Variants in PRKACB observed in about 807,000 individuals in gnomAD.
The protein encoded by PRKACB is protein kinase cAMP-activated catalytic subunit beta, also known as cAMP-dependent protein kinase catalytic subunit beta.
PRKACB carries 16 observed loss-of-function variants against 51.4 expected under a neutral mutation model. That is an observed-to-expected ratio of 0.31 (90% CI 0.21 to 0.47). The LOEUF (loss-of-function observed/expected upper bound fraction) is 0.47, where lower values mean the gene tolerates loss of function less well. PRKACB is among the 20% of genes least tolerant of loss of function. The pLI, the probability that PRKACB is intolerant of heterozygous loss-of-function variation, is 1.00. For synonymous variants in PRKACB, 147 were observed against 154.4 expected, an observed-to-expected ratio of 0.95 and a Z score of 0.35; for missense variants, 309 against 464.5, an observed-to-expected ratio of 0.67 and a Z score of 3.08.
At chr1:84,157,726 A>G (rs1337666833) in intron 1 of PRKACB, among the ~76,000 whole-genome samples, 1 of 152,202 alleles carries the variant, frequency 6.6e-6, no homozygotes, top group African/African-American at 2.4e-5. Context: ...AGAATATATT[A>G]ATAATTGGTT....
At chr1:84,100,665 T>C (rs909351029) in intron 1 of PRKACB, among the ~76,000 whole-genome samples, 5 of 152,186 alleles carry the variant, frequency 3.3e-5, no homozygotes, top group Non-Finnish European at 5.9e-5. Flanking sequence ...AAAAATTATG[T>C]ACTTAAAACT....
chr1:84,165,317 TAA>T lies in PRKACB; in HGVS notation c.188-13859_188-13858del, dbSNP rs1222922564. Among the ~76,000 whole-genome samples, 3 of 151,908 alleles carry T rather than the reference TAA, an allele frequency of 2.0e-5. No individual in the cohort carries two copies. In the Admixed American group the frequency reaches 2.0e-4, roughly 10 times the overall value. ...TATAAATTAGTAAGTAGACTAACCA[TAA>T]GAGAGGATTTTCTTTTAGTATCTGA... On this transcript the variant is annotated intron_variant, in intron 1 of 9. Coordinates refer to ENST00000370685, the MANE Select transcript of PRKACB (RefSeq NM_182948.4).
intron 3 of PRKACB, 80 bp from the exon 4 acceptor site, chr1:84,183,957 T>C (rs1187141836): frequency 1.5e-6 from 2 of 1,366,210 alleles, no homozygotes; most frequent in African/African-American, 3.0e-5. Context: ...AGTTTATTAC[T>C]ATATGGAAAA....
At chr1:84,131,850 C>G (rs1397641191) in intron 1 of PRKACB, among the ~76,000 whole-genome samples, 1 of 152,192 alleles carries the variant, frequency 6.6e-6, no homozygotes, top group Non-Finnish European at 1.5e-5. Context: ...GGCCCCCACA[C>G]TTTCATGGGT....
At chr1:84,174,235 T>C (rs1056159468) in intron 1 of PRKACB, among the ~76,000 whole-genome samples, 1 of 151,878 alleles carries the variant, frequency 6.6e-6, no homozygotes, top group Non-Finnish European at 1.5e-5. Context: ...GGATAAACCA[T>C]GCTCTTCTTC....
intron 1 of PRKACB, among the ~76,000 whole-genome samples, chr1:84,176,691 G>A (rs1384568251): frequency 4.6e-5 from 7 of 151,676 alleles, no homozygotes; most frequent in East Asian, 1.9e-4. Flanking sequence ...TACTCGAAAA[G>A]AAAATCCCTT....
intron 1 of PRKACB, chr1:84,175,756 G>A (rs765767195): frequency 2.9e-5 from 45 of 1,529,526 alleles, no homozygotes; most frequent in Non-Finnish European, 5.3e-6. Flanking sequence ...TCTCTTGAAT[G>A]TGGGTGAATG....
intron 9 of PRKACB, among the ~76,000 whole-genome samples, chr1:84,217,712 A>G (rs1448492137): frequency 6.6e-6 from 1 of 152,082 alleles, no homozygotes; most frequent in Non-Finnish European, 1.5e-5. Context: ...AGGATCACTT[A>G]AGCCCAAGAG....
At chr1:84,154,250 C>T (rs1216006314) in intron 1 of PRKACB, among the ~76,000 whole-genome samples, 1 of 151,948 alleles carries the variant, frequency 6.6e-6, no homozygotes, top group East Asian at 1.9e-4. Context: ...GTTTGAGTTC[C>T]TTATATATTT....
chr1:84,097,070 G>A (rs991742154), intron 1 of PRKACB, among the ~76,000 whole-genome samples: 1 of 151,950 alleles, frequency 6.6e-6, no homozygotes, highest in Non-Finnish European at 1.5e-5. Flanking sequence ...TGAAGGTAGG[G>A]TTCTTTACTT....
intron 1 of PRKACB, among the ~76,000 whole-genome samples, chr1:84,080,830 A>G (rs1647476814): frequency 6.6e-6 from 1 of 151,964 alleles, no homozygotes; most frequent in Non-Finnish European, 1.5e-5. Context: ...TAGTAATAAC[A>G]GAGTAAGGAA....
In PRKACB at chr1:84,105,606, C is replaced by T. The variant is rs577574484; in HGVS notation, c.46+27235C>T. Among the ~76,000 whole-genome samples, 31 of 151,786 alleles carry T rather than the reference C, an allele frequency of 2.0e-4. No individual in the cohort carries two copies. The South Asian group carries it at 6.5e-3, about 32-fold the overall frequency. Reference sequence around the variant, plus strand: ...TTATTTATTTACTGAGACAGGGTCTCCTTCTGTCACCCAGGCTGGAGTGCA... The same window carrying T: ...TTATTTATTTACTGAGACAGGGTCTTCTTCTGTCACCCAGGCTGGAGTGCA... On this transcript the variant is annotated intron_variant, in intron 1 of 8. Coordinates refer to the PRKACB transcript ENST00000370688.
intron 1 of PRKACB, among the ~76,000 whole-genome samples, chr1:84,136,305 T>C (rs1338767097): frequency 6.6e-6 from 1 of 151,836 alleles, no homozygotes; most frequent in Non-Finnish European, 1.5e-5. Flanking sequence ...TGGTGAAATA[T>C]ACAAAATAAA....
intron 1 of PRKACB, chr1:84,175,179 T>G: frequency 1.1e-6 from 1 of 951,194 alleles, no homozygotes; most frequent in African/African-American, 1.7e-5. Flanking sequence ...TGAAATATTT[T>G]CATTGATGAA....
At chr1:84,192,096 A>T (rs181381585) in intron 5 of PRKACB, among the ~76,000 whole-genome samples, 7 of 152,264 alleles carry the variant, frequency 4.6e-5, no homozygotes, top group Admixed American at 2.0e-4. Flanking sequence ...TGAGATAGTA[A>T]AACAATAAGC....
intron 1 of PRKACB, among the ~76,000 whole-genome samples, chr1:84,176,614 G>A (rs564236817): frequency 6.7e-6 from 1 of 149,972 alleles, no homozygotes; most frequent in African/African-American, 2.4e-5. Flanking sequence ...GAAAAAAAAT[G>A]TTTCAGGAAC....
chr1:84,111,747 G>A (rs1355056986), intron 1 of PRKACB, among the ~76,000 whole-genome samples: 1 of 151,818 alleles, frequency 6.6e-6, no homozygotes, highest in East Asian at 1.9e-4. Context: ...ATATGTCCAT[G>A]CCATAGAAGA....
intron 8 of PRKACB, among the ~76,000 whole-genome samples, chr1:84,203,518 A>G (rs1223111414): frequency 6.6e-6 from 1 of 151,906 alleles, no homozygotes; most frequent in Non-Finnish European, 1.5e-5. Context: ...ATCTTTTTTT[A>G]AAAGACCATT....
chr1:84,099,690 CAAAG>C (rs1649187741), intron 1 of PRKACB, among the ~76,000 whole-genome samples: 1 of 151,964 alleles, frequency 6.6e-6, no homozygotes, highest in Non-Finnish European at 1.5e-5. Context: ...AAAATATTCT[CAAAG>C]AAGCAATAAT....
Sources: gnomAD v4.1 joint callset for allele counts (sites outside exome capture counted in the v4.1 genomes callset) on GRCh38, gnomAD v4.1.1 for gene constraint, MANE v1.5 for transcripts, NCBI Gene and HGNC (gene_info 2026-07-23, HGNC 2026-07-21) for gene names.